The following CYP2A6 variants were observed in gnomAD, a reference collection of about 807,000 sequenced individuals.
CYP2A6 encodes the protein cytochrome P450 2A6.
In CYP2A6, 27 loss-of-function variants were observed where a neutral mutation model predicts 42.3. The ratio of observed to expected loss-of-function variants is 0.64; its 90% confidence interval spans 0.47 to 0.88. The LOEUF (loss-of-function observed/expected upper bound fraction) is 0.88. Ranked by LOEUF, CYP2A6 falls within the 40% of genes least tolerant of loss-of-function variation. The pLI is 0.00. For synonymous variants in CYP2A6, 238 were observed against 246.3 expected (o/e 0.97, Z 0.31); for missense variants, 628 against 646.0 (o/e 0.97, Z 0.30).
At chr19:40,846,782 T>C (rs1967108108) in intron 5 of CYP2A6, 93 bp downstream of exon 5, 1 of 1,520,298 alleles carries the variant, frequency 6.6e-7, no homozygotes, top group Non-Finnish European at 8.9e-7. Flanking sequence ...GAGGGTTAAT[T>C]TGAATGGGCC....
intron 1 of CYP2A6, 28 bp downstream of exon 1, chr19:40,850,219 T>G (rs776154526): frequency 6.3e-6 from 10 of 1,596,912 alleles, no homozygotes; most frequent in African/African-American, 1.3e-5. Context: ...CCCCACCCCG[T>G]GCCACCCATC....
intron 5 of CYP2A6, among the ~76,000 whole-genome samples, chr19:40,846,340 C>T (rs1301136301): frequency 1.4e-5 from 2 of 146,984 alleles, no homozygotes; most frequent in Non-Finnish European, 3.0e-5. Context: ...ACTTAGCTGT[C>T]AGTTTTTTTT....
chr19:40,848,862 G>A lies in CYP2A6; in HGVS notation c.344-99C>T, dbSNP rs887008574. The stretch of plus-strand genomic sequence containing the variant: ...TCCCCAAGGGTGGAGGAGAGAGGGA[G>A]TAGGGTGGGAGAGAGATGGATTCAG... On this transcript the variant is annotated intron_variant, in intron 2 of 8. Transcript: ENST00000301141. The A allele has an allele frequency of 1.1e-5, 16 of 1,440,486 alleles. No homozygotes were observed. The Admixed American group carries it at 2.9e-4, about 26-fold the overall frequency. 89.2% of individuals were successfully genotyped at this position (1,440,486 alleles called of 1,614,324 possible). A position where few individuals can be genotyped will look rare whatever the true frequency, so the allele number is the denominator to read the frequency against.
chr19:40,847,441 A>G (rs945346740), intron 4 of CYP2A6, among the ~76,000 whole-genome samples: 4 of 151,464 alleles, frequency 2.6e-5, no homozygotes, highest in Admixed American at 6.6e-5. Flanking sequence ...GCATTCAAGT[A>G]GGCTTGGTTG....
At chr19:40,849,160 A>G (rs547855533) in intron 2 of CYP2A6, among the ~76,000 whole-genome samples, 1 of 150,436 alleles carries the variant, frequency 6.6e-6, no homozygotes, top group African/African-American at 2.5e-5. Context: ...ATAGAAACAG[A>G]GGGATAAGGG....
chr19:40,845,252 G>A, intron 7 of CYP2A6, 42 bp downstream of exon 7: 1 of 1,608,462 alleles, frequency 6.2e-7, no homozygotes, highest in South Asian at 1.1e-5. Flanking sequence ...ACAGAGAGGG[G>A]CTGGAAGTCC....
Position 40,843,705 on chromosome 19 carries a change from CA to C in CYP2A6, c.*90del. 12 of 1,322,410 alleles carry C rather than the reference CA, an allele frequency of 9.1e-6. 4 individuals carry two copies. The highest frequency in any genetic ancestry group is 1.0e-5 in the Non-Finnish European group (10 of 990,690). 81.9% of individuals were successfully genotyped at this position (1,322,410 alleles called of 1,614,324 possible). ...CCCTTCCTTTCCGCCATCCTGCCCCCAGTCTTAGCTGCGCCCCTCTCCCAAG... is the reference window on the plus strand; with the variant it reads ...CCCTTCCTTTCCGCCATCCTGCCCCCGTCTTAGCTGCGCCCCTCTCCCAAG... On this transcript the variant is annotated 3_prime_UTR_variant, in exon 9 of 9. Coordinates refer to ENST00000301141, the MANE Select transcript of CYP2A6 (RefSeq NM_000762.6).
At position 40,850,393 on chromosome 19, in the gene CYP2A6, G is replaced by A. The variant is rs761726982; in HGVS notation, c.34C>T (p.Leu12=). The A allele has an allele frequency of 8.1e-6, 13 of 1,610,052 alleles. 1 individual carries two copies. The highest frequency in any genetic ancestry group is 2.3e-5 in the East Asian group (1 of 43,404). ...LASGMLLVAL[L]VCLTVMVLMS... is the part of the protein sequence containing the mutation. Reference sequence around the variant, plus strand: ...AAGACCATTACAGTCAGGCAGACCAGCAAGGCCACCAGAAGCATCCCTGAG... The same window carrying A: ...AAGACCATTACAGTCAGGCAGACCAACAAGGCCACCAGAAGCATCCCTGAG... The change falls in exon 1 of 9, where the codon CTG becomes TTG. Residue 12 remains leucine (L), a synonymous_variant. Transcript: ENST00000301141.
intron 1 of CYP2A6, 102 bp downstream of exon 1, chr19:40,850,145 T>A: frequency 6.5e-7 from 1 of 1,534,676 alleles, no homozygotes; most frequent in South Asian, 1.3e-5. Context: ...CAAAACTCCA[T>A]TTCCTAAGAC....
At chr19:40,846,250 G>T (rs557584513) in intron 5 of CYP2A6, among the ~76,000 whole-genome samples, 153 bp from the exon 6 acceptor site, 2 of 151,650 alleles carry the variant, frequency 1.3e-5, no homozygotes, top group South Asian at 4.2e-4. Flanking sequence ...TCCAGCCCTT[G>T]CCCTGGCTGC....
Position 40,849,839 on chromosome 19 carries a change from C to A in CYP2A6, c.322G>T (p.Asp108Tyr). 6.2e-7 allele frequency: 1 copy of A among 1,610,912 alleles called. No individual in the cohort carries two copies. The highest frequency in any genetic ancestry group is 8.5e-7 in the Non-Finnish European group (1 of 1,179,712). The change falls in exon 2 of 9, where the codon GAC (aspartate) becomes TAC (tyrosine). Residue 108 changes from aspartate to tyrosine, a missense_variant. Physicochemically the swap from Asp to Tyr is radical, Grantham distance 160 (BLOSUM62 -3). Coordinates refer to ENST00000301141, the MANE Select transcript of CYP2A6 (RefSeq NM_000762.6). ...TCACCATAGCCTTTGAAGACCCAGT[C>A]GAAGGTGGCTTGCTCGCCTCGCCCG... ...FSGRGEQATF[D>Y]WVFKGYGVVF...
At position 40,845,524 on chromosome 19, in the gene CYP2A6, A is replaced by C. The variant is rs148057229; in HGVS notation, c.974-43T>G. Reference sequence around the variant, plus strand: ...ATGTGTTTAGGTATCTAGGGGTCTCAGAGCAGGAAATGATAGTCCGAATAG... The same window carrying C: ...ATGTGTTTAGGTATCTAGGGGTCTCCGAGCAGGAAATGATAGTCCGAATAG... On this transcript the variant is annotated intron_variant, in intron 6 of 8. Transcript: ENST00000301141. 2.5e-6 allele frequency: 4 copies of C among 1,605,592 alleles called. 1 individual carries two copies. In the East Asian group the frequency reaches 9.3e-5, roughly 37 times the overall value.
intron 4 of CYP2A6, among the ~76,000 whole-genome samples, chr19:40,847,838 A>G (rs572348346): frequency 1.6e-4 from 25 of 151,780 alleles, no homozygotes; most frequent in Admixed American, 9.2e-4. Flanking sequence ...GTGTTCAGGT[A>G]TGCAGGAGGC....
intron 2 of CYP2A6, among the ~76,000 whole-genome samples, chr19:40,848,982 AGAGAGG>A (rs1967159392): frequency 1.7e-5 from 2 of 117,316 alleles, no homozygotes; most frequent in African/African-American, 3.8e-5. Flanking sequence ...GAGAGAAGAG[AGAGAGG>A]AGAGAGAGAG....
At chr19:40,845,801 C>G (rs2083453382) in intron 6 of CYP2A6, among the ~76,000 whole-genome samples, 155 bp downstream of exon 6, 2 of 151,336 alleles carry the variant, frequency 1.3e-5, no homozygotes, top group African/African-American at 4.9e-5. Flanking sequence ...TCTAATGAGA[C>G]TCAGCTGATG....
intron 2 of CYP2A6, 133 bp downstream of exon 2, chr19:40,849,685 G>A: frequency 6.7e-7 from 1 of 1,498,960 alleles, no homozygotes; most frequent in Non-Finnish European, 9.0e-7. Context: ...ACAATGAAGG[G>A]AGATGGGGAG....
chr19:40,849,485 A>G (rs559469574), intron 2 of CYP2A6, among the ~76,000 whole-genome samples: 2 of 151,378 alleles, frequency 1.3e-5, no homozygotes, highest in Non-Finnish European at 2.9e-5. Flanking sequence ...AGAAGCTAAG[A>G]GGGACAAAAA....
chr19:40,848,551 C>A (rs1366753441), intron 3 of CYP2A6, 63 bp downstream of exon 3: 2 of 1,594,240 alleles, frequency 1.3e-6, no homozygotes, highest in Non-Finnish European at 1.7e-6. Flanking sequence ...GCAGAACGCG[C>A]GCGGGTTCCT....
Position 40,850,301 on chromosome 19 carries a change from G to T in CYP2A6, c.126C>A (p.Phe42Leu). The T allele has an allele frequency of 2.5e-6, 4 of 1,610,190 alleles. No homozygotes were observed. The highest frequency in any genetic ancestry group is 3.4e-6 in the Non-Finnish European group (4 of 1,178,828). Residue 42 changes from phenylalanine (F) to leucine (L), a missense_variant, in exon 1 of 9, where the codon TTC (phenylalanine) becomes TTA (leucine). Phe to Leu is a conservative substitution (Grantham distance 22). Coordinates refer to ENST00000301141, the MANE Select transcript of CYP2A6 (RefSeq NM_000762.6). ...TGTTCAGCTGCAGGTAGTTTCCAAT[G>T]AAGGGCAATGGGGTGGGTCCCGGAG... ...KLPPGPTPLP[F>L]IGNYLQLNTE...
Sources: gnomAD v4.1 joint callset for allele counts (sites outside exome capture counted in the v4.1 genomes callset) on GRCh38, gnomAD v4.1.1 for gene constraint, MANE v1.5 for transcripts, NCBI Gene and HGNC (gene_info 2026-07-23, HGNC 2026-07-21) for gene names.